CDH5: variants seen among roughly 807,000 people sequenced by gnomAD.
CDH5 encodes the protein cadherin-5.
A neutral mutation model predicts 62.0 loss-of-function variants in CDH5; 28 were observed. The ratio of observed to expected loss-of-function variants is 0.45; its 90% CI spans 0.33 to 0.62. The LOEUF is 0.62. Ranked by LOEUF, CDH5 falls within the 20% of genes least tolerant of loss-of-function variation. The probability of loss-of-function intolerance (pLI) is 0.02; values close to 1 mark genes in which losing one functional copy is unlikely to be tolerated. For synonymous variants in CDH5, 464 were observed against 445.8 expected (o/e 1.04, Z -0.52); for missense variants, 940 against 1,065.1 (o/e 0.88, Z 1.63).
At chr16:66,372,358 G>C (rs1370806822) in intron 1 of CDH5, among the ~76,000 whole-genome samples, 1 of 152,244 alleles carries the variant, frequency 6.6e-6, no homozygotes, top group Non-Finnish European at 1.5e-5. Flanking sequence ...CAGGACTCTA[G>C]AGAGAGCTTC....
intron 11 of CDH5, 121 bp from the exon 12 acceptor site, chr16:66,402,512 AGGGGAAGGGGGGGCCAAAG>A: frequency 1.7e-6 from 1 of 585,328 alleles, no homozygotes; most frequent in Non-Finnish European, 2.7e-6. Flanking sequence ...ATGGGGTTGC[AGGGGAAGGGGGGGCCAAAG>A]GGATGGGCAT....
At chr16:66,377,157 T>C (rs750068593) in intron 1 of CDH5, 1 of 152,236 alleles carries the variant, frequency 6.6e-6, no homozygotes, top group Non-Finnish European at 1.5e-5. Context: ...GCAGGGGTCA[T>C]GCCTGCCGCC....
intron 1 of CDH5, among the ~76,000 whole-genome samples, chr16:66,374,893 A>G (rs1960757379): frequency 1.3e-5 from 2 of 151,936 alleles, no homozygotes; most frequent in Non-Finnish European, 2.9e-5. Flanking sequence ...GGTGTGCTGC[A>G]CCCATTAACT....
intron 2 of CDH5, among the ~76,000 whole-genome samples, chr16:66,382,683 T>C (rs561583960): frequency 2.6e-5 from 4 of 152,248 alleles, no homozygotes; most frequent in East Asian, 3.9e-4. Flanking sequence ...CAGCATTCAC[T>C]TGGCCCCTGG....
chr16:66,395,145 C>T (rs1961157305), intron 7 of CDH5, among the ~76,000 whole-genome samples: 2 of 141,010 alleles, frequency 1.4e-5, no homozygotes, highest in Non-Finnish European at 3.0e-5. Context: ...GCTTCAGCCT[C>T]TCCCAAAGCA....
At chr16:66,400,639 T>C (rs866452107) in intron 10 of CDH5, 132 bp from the exon 11 acceptor site, 3 of 1,016,686 alleles carry the variant, frequency 3.0e-6, no homozygotes, top group African/African-American at 1.6e-5. Flanking sequence ...CAAGAGGCGC[T>C]GGGTGCAAAG....
chr16:66,398,560 C>A lies in CDH5; in HGVS notation c.1590C>A (p.His530Gln). 6.8e-7 allele frequency: 1 copy of A among 1,469,228 alleles called. No homozygotes were observed. The highest frequency in any genetic ancestry group is 9.5e-7 in the Non-Finnish European group (1 of 1,047,836). The allele number at this position is 1,469,228 out of a possible 1,614,324, so 91.0% of individuals were successfully genotyped here. A position where few individuals can be genotyped will look rare whatever the true frequency, so the allele number is the denominator to read the frequency against. ...ACAACTTTACCCTCACGGATAATCA[C>A]GGTAGGCATCAAAGTAATCAGTTCA... ...TENNFTLTDN[H>Q]DNTANITVKY... The change falls in exon 10 of 12, where the codon CAC becomes CAA. Residue 530 changes from histidine (H) to glutamine (Q), a missense_variant and splice_region_variant. By Grantham distance (24) the His-to-Gln change is conservative. Transcript: ENST00000341529.
rs1414372849 is a variant in CDH5 at position 66,402,820 on chromosome 16, G to A, written c.2006G>A (p.Gly669Asp). The change falls in exon 12 of 12, where the codon GGC becomes GAC. Residue 669 changes from glycine (G) to aspartate (D), a missense_variant. Physicochemically the swap from Gly to Asp is moderately conservative, Grantham distance 94. Transcript: ENST00000341529. ...DVSVLNSVRR[G>D]GAKPPRPALD... ...TCGGTGCTCAACTCGGTGCGCCGCG[G>A]CGGGGCCAAGCCCCCGCGGCCCGCG... The A allele has an allele frequency of 1.3e-6, 2 of 1,598,936 alleles. No individual in the cohort carries two copies. The highest frequency in any genetic ancestry group is 1.7e-6 in the Non-Finnish European group (2 of 1,173,634).
chr16:66,390,581 G>A lies in CDH5; in HGVS notation c.960G>A (p.Lys320=). The stretch of plus-strand genomic sequence containing the variant: ...CCGCCCACAACGAGGGCATCATCAA[G>A]CCCATGAAGGTTTGTAGGCCAATGG... ...TNPAHNEGII[K]PMKPLDYEYI... is the part of the protein sequence containing the mutation. The change falls in exon 6 of 12, where the codon AAG becomes AAA. Residue 320 remains lysine (K), a synonymous_variant. Transcript: ENST00000341529. 6.2e-7 allele frequency: 1 copy of A among 1,614,050 alleles called. No individual in the cohort carries two copies. Among genetic ancestry groups the A allele is most frequent in the South Asian group, 1.1e-5 (1 of 91,054 alleles).
chr16:66,379,177 A>G lies in CDH5; in HGVS notation c.-19-142A>G, dbSNP rs553374837. 15 of 669,694 alleles carry G rather than the reference A, an allele frequency of 2.2e-5. No homozygotes were observed. In the African/African-American group the frequency reaches 2.7e-4, roughly 12 times the overall value. 41.5% of individuals were successfully genotyped at this position (669,694 alleles called of 1,614,324 possible). A position where few individuals can be genotyped will look rare whatever the true frequency, so the allele number is the denominator to read the frequency against. ...GCATGACTGCTCCCTGAAAGGGGGA[A>G]CAATAATGTTAATTACCCGCAGATT... On this transcript the variant is annotated intron_variant, in intron 1 of 11. Coordinates refer to ENST00000341529, the MANE Select transcript of CDH5 (RefSeq NM_001795.5).
At chr16:66,381,823 C>T (rs1456876040) in intron 2 of CDH5, among the ~76,000 whole-genome samples, 3 of 152,232 alleles carry the variant, frequency 2.0e-5, no homozygotes, top group African/African-American at 7.2e-5. Flanking sequence ...AGATTGCCCG[C>T]AGCTGCTTTC....
At chr16:66,376,901 T>G (rs1201641718) in intron 1 of CDH5, among the ~76,000 whole-genome samples, 2 of 152,190 alleles carry the variant, frequency 1.3e-5, no homozygotes, top group African/African-American at 4.8e-5. Flanking sequence ...TTGCCTAGCA[T>G]GGAGCCCATC....
chr16:66,390,888 G>T (rs932868533), intron 6 of CDH5, among the ~76,000 whole-genome samples: 1 of 152,220 alleles, frequency 6.6e-6, no homozygotes, highest in Non-Finnish European at 1.5e-5. Context: ...GAGAAGCTGA[G>T]GGTGAAGGAG....
chr16:66,391,728 G>A lies in CDH5; in HGVS notation c.970-408G>A, dbSNP rs568110610. 1.4e-3 allele frequency among the ~76,000 whole-genome samples: 220 copies of A among 152,184 alleles called. 1 individual carries two copies. Among genetic ancestry groups the A allele is most frequent in the Non-Finnish European group, 2.7e-3 (182 of 68,022 alleles). The stretch of plus-strand genomic sequence containing the variant: ...GTGGAAGTTGTAGTGAGCGGAGGTC[G>A]TGCCATTGCACTCCAATCTGGGTAC... On this transcript the variant is annotated intron_variant, in intron 6 of 11. Transcript: ENST00000341529.
At position 66,379,404 on chromosome 16, in the gene CDH5, G is replaced by T; in HGVS notation, c.67G>T (p.Val23Leu). 6.2e-7 allele frequency: 1 copy of T among 1,614,048 alleles called. No homozygotes were observed. Among genetic ancestry groups the T allele is most frequent in the East Asian group, 2.2e-5 (1 of 44,882 alleles). The change falls in exon 2 of 12, where the codon GTG becomes TTG. Residue 23 changes from valine (V) to leucine (L), a missense_variant. Coordinates refer to ENST00000341529, the MANE Select transcript of CDH5 (RefSeq NM_001795.5). ...ACLGLLAVAA[V>L]AAAGANPAQR... ...CCTGGGCCTGCTGGCAGTGGCAGCA[G>T]TGGCAGCAGCAGGTGCTAACCCTGC...
chr16:66,390,450 G>C lies in CDH5; in HGVS notation c.829G>C (p.Val277Leu), dbSNP rs367968940. ...TGAAGACACCCGTGTGGGCACCTCTGTGGGCTCTCTGTTTGTTGAGGACCC... is the reference window on the plus strand; with the variant it reads ...TGAAGACACCCGTGTGGGCACCTCTCTGGGCTCTCTGTTTGTTGAGGACCC... The part of the protein sequence containing the change: ...VPEDTRVGTS[V>L]GSLFVEDPDE... Residue 277 changes from valine (V) to leucine (L), a missense_variant, in exon 6 of 12, where the codon GTG becomes CTG. Val to Leu is a conservative substitution (Grantham distance 32). Coordinates refer to ENST00000341529, the MANE Select transcript of CDH5 (RefSeq NM_001795.5). The C allele has an allele frequency of 8.1e-6, 13 of 1,614,148 alleles. No individual in the cohort carries two copies. Among genetic ancestry groups the C allele is most frequent in the Non-Finnish European group, 1.0e-5 (12 of 1,180,030 alleles).
rs138825609 is a variant in CDH5, at chr16:66,374,566, G to A, written c.-19-4753G>A. On this transcript the variant is annotated intron_variant, in intron 1 of 11. Coordinates refer to ENST00000341529, the MANE Select transcript of CDH5 (RefSeq NM_001795.5). ...GGGCTTTTCTGCACCTTCAGAGAACGCTTTGTTATGTGGGGCCAGACAAAG... is the reference window on the plus strand; with the variant it reads ...GGGCTTTTCTGCACCTTCAGAGAACACTTTGTTATGTGGGGCCAGACAAAG... 2.9e-3 allele frequency among the ~76,000 whole-genome samples: 437 copies of A among 152,272 alleles called. 1 individual carries two copies. Among genetic ancestry groups the A allele is most frequent in the Middle Eastern group, 0.01 (3 of 294 alleles).
rs1266912646 is a variant in CDH5, at chr16:66,403,301, A to C, written c.*132A>C. 1.3e-6 allele frequency: 1 copy of C among 751,726 alleles called. No individual in the cohort carries two copies. Among genetic ancestry groups the C allele is most frequent in the Non-Finnish European group, 2.1e-6 (1 of 471,804 alleles). The allele number at this position is 751,726 out of a possible 1,614,324, so 46.6% of individuals were successfully genotyped here. On this transcript the variant is annotated 3_prime_UTR_variant, in exon 12 of 12. Transcript: ENST00000341529. This position sits in a 1 kb window ranked among gnomAD's most constrained non-coding sequence, Gnocchi z 4.3. ...CACCCCTTCCTCGTGGGTCCCAGAGACCTCATCAGCCTTGGGATAGCAAAC... is the reference window on the plus strand; with the variant it reads ...CACCCCTTCCTCGTGGGTCCCAGAGCCCTCATCAGCCTTGGGATAGCAAAC...
chr16:66,400,881 A>G lies in CDH5; in HGVS notation c.1702A>G (p.Thr568Ala). ...CAATGGGATGCCAAGTCGCACGGGC[A>G]CCAGCACGCTGACCGTGGCCGTGTG... is the stretch of plus-strand genomic sequence containing the variant. ...SDNGMPSRTG[T>A]STLTVAVCKC... Residue 568 changes from threonine to alanine, a missense_variant, in exon 11 of 12, where the codon ACC (threonine) becomes GCC (alanine). Transcript: ENST00000341529. The G allele has an allele frequency of 6.2e-7, 1 of 1,614,206 alleles. No homozygotes were observed. Among genetic ancestry groups the G allele is most frequent in the Non-Finnish European group, 8.5e-7 (1 of 1,180,052 alleles).
Sources: allele counts gnomAD v4.1 joint callset (sites outside exome capture counted in the v4.1 genomes callset), GRCh38; gene constraint gnomAD v4.1.1; non-coding constraint Gnocchi (gnomAD v3.1); transcripts MANE v1.5; gene names NCBI Gene and HGNC (gene_info 2026-07-23, HGNC 2026-07-21).